Variants in CSMD1 observed in about 807,000 individuals in gnomAD.
CSMD1 encodes CUB and sushi domain-containing protein 1.
Under a neutral mutation model 417.5 loss-of-function variants are expected in CSMD1, and 213 were observed. That is an observed-to-expected ratio of 0.51 (90% confidence interval 0.46 to 0.57). CSMD1 has a LOEUF of 0.57. CSMD1 is among the 20% of genes least tolerant of loss of function. The pLI is 0.00. For missense variants in CSMD1, 6,923 were observed against 4,529.7 expected, an observed-to-expected ratio of 1.53 and a Z score of -15.17; for synonymous variants, 2,862 against 1,736.8, an observed-to-expected ratio of 1.65 and a Z score of -16.11.
At chr8:3,169,215 C>G (rs924803835) in intron 37 of CSMD1, among the ~76,000 whole-genome samples, 3 of 152,156 alleles carry the variant, frequency 2.0e-5, no homozygotes, top group African/African-American at 7.2e-5. Context: ...CCACCCCAAA[C>G]AGTACAGCCC....
chr8:4,050,326 A>G (rs1165205637), intron 3 of CSMD1, among the ~76,000 whole-genome samples: 1 of 152,202 alleles, frequency 6.6e-6, no homozygotes, highest in Admixed American at 6.5e-5. Flanking sequence ...AAAGGAGGCT[A>G]GTTATACACA....
At chr8:4,946,824 A>G (rs1808402038) in intron 1 of CSMD1, among the ~76,000 whole-genome samples, 3 of 152,196 alleles carry the variant, frequency 2.0e-5, no homozygotes, top group Admixed American at 2.0e-4. Context: ...TAAATAAAAC[A>G]TGCCTCCAAT....
chr8:3,141,079 G>C (rs1367029959), intron 41 of CSMD1, among the ~76,000 whole-genome samples: 1 of 152,180 alleles, frequency 6.6e-6, no homozygotes, highest in Non-Finnish European at 1.5e-5. Context: ...GTCCTGAAGG[G>C]ACGAGAGCTC....
chr8:3,535,547 G>C (rs1305546613), intron 10 of CSMD1, among the ~76,000 whole-genome samples: 1 of 152,096 alleles, frequency 6.6e-6, no homozygotes, highest in Non-Finnish European at 1.5e-5. Flanking sequence ...CTTGGAAGGG[G>C]GCTGGTGGGT....
At chr8:4,709,525 A>T (rs888249582) in intron 1 of CSMD1, among the ~76,000 whole-genome samples, 3 of 152,226 alleles carry the variant, frequency 2.0e-5, no homozygotes, top group Admixed American at 6.5e-5. Flanking sequence ...GGGTACAAAG[A>T]GGGCAGAGAC....
chr8:3,440,477 T>C (rs959590648), intron 12 of CSMD1, among the ~76,000 whole-genome samples: 5 of 152,202 alleles, frequency 3.3e-5, no homozygotes, highest in African/African-American at 1.2e-4. Flanking sequence ...ACAGTAGATT[T>C]TGTTGTTGTT....
intron 5 of CSMD1, among the ~76,000 whole-genome samples, chr8:3,883,906 A>G (rs1338695465): frequency 6.6e-6 from 1 of 152,132 alleles, no homozygotes; most frequent in African/African-American, 2.4e-5. Flanking sequence ...TATAAATTAA[A>G]TATATGTTAA....
chr8:4,530,275 A>G (rs1257402850), intron 2 of CSMD1, among the ~76,000 whole-genome samples: 1 of 136,046 alleles, frequency 7.4e-6, no homozygotes, highest in Non-Finnish European at 1.6e-5. Context: ...CCGGATTTAA[A>G]TAAGCAAATA....
rs560882682 is a variant in CSMD1, at chr8:3,157,004, A to G, written c.5914+893T>C. Among the ~76,000 whole-genome samples the G allele has an allele frequency of 6.6e-3, 995 of 151,670 alleles. 10 individuals are homozygous for G. Among genetic ancestry groups the G allele is most frequent in the African/African-American group, 0.023 (951 of 41,308 alleles). On this transcript the variant is annotated intron_variant, in intron 39 of 69. Transcript: ENST00000635120. ...GTTTAGACAAAAAAAAAAAAAAAAA[A>G]AAAAGCAGGATACTGCTAATAGCAT...
At chr8:3,553,530 G>A (rs1799009844) in intron 10 of CSMD1, among the ~76,000 whole-genome samples, 1 of 152,166 alleles carries the variant, frequency 6.6e-6, no homozygotes, top group Non-Finnish European at 1.5e-5. Flanking sequence ...AAGCAGGATT[G>A]CTGCCGTGGC....
intron 10 of CSMD1, among the ~76,000 whole-genome samples, chr8:3,524,675 G>A (rs1797680892): frequency 7.2e-6 from 1 of 139,094 alleles, no homozygotes; most frequent in African/African-American, 2.7e-5. Context: ...AAAAACACAT[G>A]TACACACATG....
intron 1 of CSMD1, among the ~76,000 whole-genome samples, chr8:4,749,105 G>C (rs151289154): frequency 2.0e-5 from 3 of 152,176 alleles, no homozygotes; most frequent in South Asian, 2.1e-4. Context: ...GTCTCCACTC[G>C]CTTTGCTAAT....
intron 41 of CSMD1, among the ~76,000 whole-genome samples, chr8:3,125,194 G>A (rs1817430653): frequency 1.3e-5 from 2 of 152,230 alleles, no homozygotes; most frequent in South Asian, 2.1e-4. Flanking sequence ...TGAGTATGCT[G>A]AAGAATTTTG....
chr8:4,237,407 C>T (rs947115522), intron 3 of CSMD1, among the ~76,000 whole-genome samples: 9 of 151,892 alleles, frequency 5.9e-5, no homozygotes, highest in African/African-American at 2.2e-4. Context: ...TGATACACAC[C>T]CAGGCAGTTT....
At chr8:3,747,712 G>A (rs763609683) in intron 6 of CSMD1, among the ~76,000 whole-genome samples, 3 of 151,870 alleles carry the variant, frequency 2.0e-5, no homozygotes, top group Non-Finnish European at 4.4e-5. Flanking sequence ...TGCCTGAAAT[G>A]TTCCTTATGT....
At chr8:4,613,860 CAAAA>C (rs60679775) in intron 2 of CSMD1, among the ~76,000 whole-genome samples, 3 of 123,646 alleles carry the variant, frequency 2.4e-5, no homozygotes, top group Non-Finnish European at 3.5e-5. Context: ...TGTCTAATGC[CAAAA>C]AAAAAAAAAA....
At chr8:4,064,461 C>G (rs966478345) in intron 3 of CSMD1, among the ~76,000 whole-genome samples, 3 of 152,306 alleles carry the variant, frequency 2.0e-5, no homozygotes, top group Non-Finnish European at 2.9e-5. Context: ...TTTCATATAT[C>G]AAAACTGTAG....
At chr8:4,109,091 T>G (rs1452955743) in intron 3 of CSMD1, among the ~76,000 whole-genome samples, 1 of 152,188 alleles carries the variant, frequency 6.6e-6, no homozygotes, top group African/African-American at 2.4e-5. Flanking sequence ...GCATCCATTC[T>G]CCCTATATAC....
chr8:4,460,450 G>C, intron 2 of CSMD1, among the ~76,000 whole-genome samples: 1 of 152,046 alleles, frequency 6.6e-6, no homozygotes, highest in East Asian at 1.9e-4. Context: ...CTAAACTTAC[G>C]GTAAGCAGAA....
Sources: allele counts gnomAD v4.1 joint callset (sites outside exome capture counted in the v4.1 genomes callset), GRCh38; gene constraint gnomAD v4.1.1; transcripts MANE v1.5; gene names NCBI Gene and HGNC (gene_info 2026-07-23, HGNC 2026-07-21).